Variants in EPB41L5 observed in about 807,000 individuals in gnomAD.
The protein encoded by EPB41L5 is erythrocyte membrane protein band 4.1 like 5.
EPB41L5 carries 55 observed loss-of-function variants against 106.6 expected under a neutral mutation model. The observed-to-expected ratio is 0.52, with a 90% CI of 0.42 to 0.65. The LOEUF (loss-of-function observed/expected upper bound fraction) is 0.65, where lower values mean the gene tolerates loss of function less well. EPB41L5 is among the 30% of genes least tolerant of loss of function. The probability of loss-of-function intolerance (pLI) is 0.00; values close to 1 mark genes in which losing one functional copy is unlikely to be tolerated. For synonymous variants in EPB41L5, 297 were observed against 306.7 expected (o/e 0.97, Z 0.33); for missense variants, 871 against 882.1 (o/e 0.99, Z 0.16).
At chr2:120,142,628 T>C (rs1190397569) in intron 18 of EPB41L5, among the ~76,000 whole-genome samples, 3 of 152,150 alleles carry the variant, frequency 2.0e-5, no homozygotes, top group African/African-American at 4.8e-5. Context: ...GTAAATATTT[T>C]AGTCTTGCAG....
intron 1 of EPB41L5, among the ~76,000 whole-genome samples, chr2:120,015,494 A>G (rs1677455391): frequency 6.6e-6 from 1 of 152,036 alleles, no homozygotes; most frequent in East Asian, 1.9e-4. Flanking sequence ...CTTCAGAGAG[A>G]ATCTCAACAG....
chr2:120,117,094 A>G (rs1314126341), intron 16 of EPB41L5, among the ~76,000 whole-genome samples: 1 of 152,238 alleles, frequency 6.6e-6, no homozygotes, highest in African/African-American at 2.4e-5. Flanking sequence ...CAGTTTGAGT[A>G]TCTTTCTTCA....
chr2:120,048,719 C>T (rs1323710397), intron 3 of EPB41L5, among the ~76,000 whole-genome samples: 3 of 152,044 alleles, frequency 2.0e-5, no homozygotes, highest in East Asian at 3.9e-4. Flanking sequence ...GCTCTTGCTT[C>T]TCTAGTTCTT....
intron 14 of EPB41L5, among the ~76,000 whole-genome samples, chr2:120,097,495 C>CA (rs1558872168): frequency 1.3e-5 from 2 of 152,166 alleles, no homozygotes; most frequent in African/African-American, 2.4e-5. Flanking sequence ...TGGCTAATGT[C>CA]AGTCATTTTT....
Position 120,106,236 on chromosome 2 carries a change from G to A in EPB41L5, c.1337+5422G>A, listed in dbSNP as rs773356490. On this transcript the variant is annotated intron_variant, in intron 16 of 24. Coordinates refer to ENST00000263713, the MANE Select transcript of EPB41L5 (RefSeq NM_020909.4). ...AGAAACTGGATTGGAGGGGTGTTAG[G>A]GATGGAGGCAGCGATAGGGGTGAGG... 495 of 985,236 alleles carry A rather than the reference G, an allele frequency of 5.0e-4. 1 individual carries two copies. Among genetic ancestry groups the A allele is most frequent in the Non-Finnish European group, 5.9e-4 (486 of 829,914 alleles). 61.0% of individuals were successfully genotyped at this position (985,236 alleles called of 1,614,324 possible). A position where few individuals can be genotyped will look rare whatever the true frequency, so the allele number is the denominator to read the frequency against.
At chr2:120,155,800 T>TA (rs565011386) in intron 20 of EPB41L5, among the ~76,000 whole-genome samples, 188 of 145,710 alleles carry the variant, frequency 1.3e-3, no homozygotes, top group African/African-American at 3.4e-3. Flanking sequence ...ATTTTTTTAT[T>TA]AAAAAAAAAA....
chr2:120,076,609 T>G (rs985354831), intron 7 of EPB41L5, among the ~76,000 whole-genome samples: 5 of 151,376 alleles, frequency 3.3e-5, no homozygotes, highest in African/African-American at 9.7e-5. Flanking sequence ...CTTAGTAATA[T>G]TCTTAATAGA....
intron 16 of EPB41L5, among the ~76,000 whole-genome samples, chr2:120,124,560 G>C (rs957645771): frequency 6.6e-6 from 1 of 152,072 alleles, no homozygotes; most frequent in Non-Finnish European, 1.5e-5. Context: ...ACTTTTGCAT[G>C]AATCTCCAAA....
At chr2:120,110,994 C>A (rs953921845) in intron 16 of EPB41L5, among the ~76,000 whole-genome samples, 1 of 152,050 alleles carries the variant, frequency 6.6e-6, no homozygotes, top group Non-Finnish European at 1.5e-5. Context: ...ATGTTAATTT[C>A]TTAGATTTTG....
intron 22 of EPB41L5, 62 bp downstream of exon 22, chr2:120,164,972 A>G (rs1687325769): frequency 1.6e-6 from 2 of 1,259,938 alleles, no homozygotes; most frequent in African/African-American, 3.0e-5. Context: ...TGTTCCTGCT[A>G]GATTCCAGTT....
At chr2:120,162,678 AT>A (rs1687185810) in intron 21 of EPB41L5, among the ~76,000 whole-genome samples, 1 of 152,334 alleles carries the variant, frequency 6.6e-6, no homozygotes, top group East Asian at 1.9e-4. Flanking sequence ...TTTATTGCAT[AT>A]ATAGTATGTA....
At chr2:120,154,880 C>A (rs986135291) in intron 20 of EPB41L5, among the ~76,000 whole-genome samples, 1 of 151,872 alleles carries the variant, frequency 6.6e-6, no homozygotes, top group African/African-American at 2.4e-5. Flanking sequence ...GAGCCGAGAT[C>A]GTGCCACTGC....
intron 2 of EPB41L5, among the ~76,000 whole-genome samples, chr2:120,031,154 C>G (rs542673983): frequency 1.3e-5 from 2 of 152,214 alleles, no homozygotes; most frequent in African/African-American, 4.8e-5. Flanking sequence ...AAGGCATGAG[C>G]CACCACGCCC....
chr2:120,105,815 T>G, intron 16 of EPB41L5: 1 of 985,404 alleles, frequency 1.0e-6, no homozygotes, highest in Non-Finnish European at 1.2e-6. Flanking sequence ...CATGGCTGAT[T>G]TTTTTTCTTA....
In EPB41L5 at chr2:120,090,367, A is replaced by G. The variant is rs1248984242; in HGVS notation, c.894A>G (p.Thr298=). 3 of 1,608,498 alleles carry G rather than the reference A, an allele frequency of 1.9e-6. No homozygotes were observed. Among genetic ancestry groups the G allele is most frequent in the Non-Finnish European group, 2.5e-6 (3 of 1,178,518 alleles). The change falls in exon 12 of 25, where the codon ACA becomes ACG. Residue 298 remains threonine (T), a synonymous_variant. Coordinates refer to ENST00000263713, the MANE Select transcript of EPB41L5 (RefSeq NM_020909.4). The stretch of plus-strand genomic sequence containing the variant: ...TTCAGGGCAAAGAACAGGAACATAC[A>G]TTTGTCTTTAGACTGGATCATCCAA... ...DDDQGKEQEH[T]FVFRLDHPKA...
At chr2:120,151,307 A>G (rs896065877) in intron 20 of EPB41L5, among the ~76,000 whole-genome samples, 65 of 151,648 alleles carry the variant, frequency 4.3e-4, no homozygotes, top group Non-Finnish European at 1.5e-4. Context: ...CTCAAAAAAT[A>G]ATAATAATAA....
At chr2:120,051,548 G>T (rs375624970) in intron 3 of EPB41L5, among the ~76,000 whole-genome samples, 1 of 152,240 alleles carries the variant, frequency 6.6e-6, no homozygotes, top group African/African-American at 2.4e-5. Context: ...TCCAGGTGCC[G>T]CCTGTATTAG....
At chr2:120,136,015 A>T (rs1685908407) in intron 18 of EPB41L5, among the ~76,000 whole-genome samples, 1 of 151,820 alleles carries the variant, frequency 6.6e-6, no homozygotes, top group Admixed American at 6.6e-5. Flanking sequence ...ACTATCAAAA[A>T]TGTAACTACA....
At chr2:120,158,262 C>G (rs1686985997) in intron 20 of EPB41L5, among the ~76,000 whole-genome samples, 1 of 152,202 alleles carries the variant, frequency 6.6e-6, no homozygotes, top group African/African-American at 2.4e-5. Context: ...CCAGCATCAT[C>G]CTGATACGAA....
Sources: gnomAD v4.1 joint callset for allele counts (sites outside exome capture counted in the v4.1 genomes callset) on GRCh38, gnomAD v4.1.1 for gene constraint, MANE v1.5 for transcripts, NCBI Gene and HGNC (gene_info 2026-07-23, HGNC 2026-07-21) for gene names.